PTPRS: variants seen among roughly 807,000 people sequenced by gnomAD.
PTPRS encodes the protein receptor-type tyrosine-protein phosphatase S.
In PTPRS, 63 loss-of-function variants were observed where a neutral mutation model predicts 215.3. The observed-to-expected ratio is 0.29, with a 90% CI of 0.24 to 0.36. The LOEUF is 0.36. Ranked by LOEUF, PTPRS falls within the 10% of genes least tolerant of loss-of-function variation. The probability of loss-of-function intolerance (pLI) is 1.00; values close to 1 mark genes in which losing one functional copy is unlikely to be tolerated. For missense variants in PTPRS, 2,258 were observed against 2,825.8 expected, an observed-to-expected ratio of 0.80 and a Z score of 4.56; for synonymous variants, 1,404 against 1,191.4, an observed-to-expected ratio of 1.18 and a Z score of -3.68.
At chr19:5,240,972 C>G (rs2043992510) in intron 11 of PTPRS, among the ~76,000 whole-genome samples, 1 of 146,924 alleles carries the variant, frequency 6.8e-6, no homozygotes, top group African/African-American at 2.5e-5. Flanking sequence ...TCACTGCAAC[C>G]TCCGCCTCCA....
chr19:5,265,297 T>C (rs1278680729), intron 4 of PTPRS, 101 bp from the exon 5 acceptor site: 2 of 1,142,996 alleles, frequency 1.7e-6, no homozygotes, highest in African/African-American at 3.1e-5. Context: ...GTCCAGCTCC[T>C]CCCTGGCTGC....
At chr19:5,225,980 C>T (rs1206135008) in intron 16 of PTPRS, 136 bp from the exon 17 acceptor site, 2 of 698,082 alleles carry the variant, frequency 2.9e-6, no homozygotes, top group African/African-American at 1.8e-5. Flanking sequence ...TGAGCTCATG[C>T]AGAGACCACG....
chr19:5,211,429 G>A (rs543649800), intron 33 of PTPRS, among the ~76,000 whole-genome samples, 161 bp downstream of exon 33: 41 of 152,212 alleles, frequency 2.7e-4, no homozygotes, highest in South Asian at 4.2e-4. Context: ...AAAGATTCAC[G>A]GACAGCAGCC....
intron 1 of PTPRS, among the ~76,000 whole-genome samples, chr19:5,319,031 T>C (rs890145846): frequency 3.9e-5 from 6 of 152,038 alleles, no homozygotes; most frequent in African/African-American, 7.2e-5. Flanking sequence ...AAACTTCTAA[T>C]GGAAGGATCG....
At chr19:5,281,613 A>G (rs548689212) in intron 2 of PTPRS, among the ~76,000 whole-genome samples, 1 of 152,274 alleles carries the variant, frequency 6.6e-6, no homozygotes, top group African/African-American at 2.4e-5. Flanking sequence ...CTCCACATTG[A>G]GGCTGGGGCT....
chr19:5,229,397 C>A, intron 15 of PTPRS, 55 bp from the exon 16 acceptor site: 1 of 1,357,852 alleles, frequency 7.4e-7, no homozygotes. Flanking sequence ...CGGGGGAGGC[C>A]AGAGATGGAG....
At chr19:5,331,113 C>T (rs564889477) in intron 1 of PTPRS, among the ~76,000 whole-genome samples, 3 of 118,748 alleles carry the variant, frequency 2.5e-5, no homozygotes, top group African/African-American at 1.2e-4. Context: ...CAGCATAAGT[C>T]AGGGCTTCTT....
intron 4 of PTPRS, among the ~76,000 whole-genome samples, chr19:5,268,868 CCACT>C (rs1217553724): frequency 6.6e-6 from 1 of 152,232 alleles, no homozygotes; most frequent in Non-Finnish European, 1.5e-5. Context: ...CAAAAGCCCT[CCACT>C]CAACCAGGTC....
At position 5,214,406 on chromosome 19, in the gene PTPRS, G is replaced by T; in HGVS notation, c.4569C>A (p.Thr1523=). ...YGFIQVTLLD[T]IELATFCVRT... is the part of the protein sequence containing the mutation. ...TGACGCAGAATGTGGCCAGCTCGAT[G>T]GTATCTAGCAACGTGACCTGGATGA... The change falls in exon 30 of 38, where the codon ACC becomes ACA. Residue 1523 remains threonine (T), a synonymous_variant. Coordinates refer to ENST00000262963, the MANE Select transcript of PTPRS (RefSeq NM_002850.4). The T allele has an allele frequency of 6.2e-7, 1 of 1,614,160 alleles. No homozygotes were observed. Among genetic ancestry groups the T allele is most frequent in the Non-Finnish European group, 8.5e-7 (1 of 1,180,022 alleles).
intron 4 of PTPRS, among the ~76,000 whole-genome samples, chr19:5,270,296 C>A (rs139759245): frequency 6.9e-6 from 1 of 144,928 alleles, no homozygotes; most frequent in Non-Finnish European, 1.5e-5. Context: ...CCCTCCCCCC[C>A]ACCCCCCTTT....
intron 1 of PTPRS, among the ~76,000 whole-genome samples, chr19:5,322,150 C>G (rs1467453418): frequency 6.6e-6 from 1 of 152,222 alleles, no homozygotes; most frequent in Non-Finnish European, 1.5e-5. Context: ...GCCCCACGGT[C>G]CCCGCCTGAG....
chr19:5,264,982 AC>A, intron 5 of PTPRS, 25 bp downstream of exon 5: 1 of 1,612,356 alleles, frequency 6.2e-7, no homozygotes, highest in Admixed American at 1.7e-5. Flanking sequence ...CAAGGCTCCC[AC>A]GTCCTGTCAG....
chr19:5,302,828 CG>C (rs2049344512), intron 1 of PTPRS, among the ~76,000 whole-genome samples: 1 of 148,484 alleles, frequency 6.7e-6, no homozygotes, highest in African/African-American at 2.5e-5. Flanking sequence ...GAGGTTGAGG[CG>C]GGCGGATCAC....
rs373148447 is a variant in PTPRS at position 5,325,601 on chromosome 19, G to A, written c.-95+15063C>T. ...CTCCAAGGTCAGAAGCAGTGGCCAC[G>A]ACCCAAGCACAGGCTCTGCCCAAGG... On this transcript the variant is annotated intron_variant, in intron 1 of 37. Transcript: ENST00000262963. Among the ~76,000 whole-genome samples, 3 of 152,136 alleles carry A rather than the reference G, an allele frequency of 2.0e-5. No homozygotes were observed. In the South Asian group the frequency reaches 6.2e-4, roughly 32 times the overall value.
rs1349394948 is a variant in PTPRS at position 5,339,535 on chromosome 19, G to C, written c.-95+1129C>G. On this transcript the variant is annotated intron_variant, in intron 1 of 37. Transcript: ENST00000262963. This position sits in a 1 kb window ranked among gnomAD's most constrained non-coding sequence, Gnocchi z 4.2. ...GAGTTCCCCAATTTGGGAAGGGGGG[G>C]AATTGGTGGGAAATGTCCAGGATTT... 2.6e-5 allele frequency among the ~76,000 whole-genome samples: 4 copies of C among 151,670 alleles called. No homozygotes were observed. The highest frequency in any genetic ancestry group is 9.7e-5 in the African/African-American group (4 of 41,302).
chr19:5,226,718 C>A (rs1225208669), intron 16 of PTPRS, among the ~76,000 whole-genome samples: 1 of 151,232 alleles, frequency 6.6e-6, no homozygotes, highest in East Asian at 1.9e-4. Context: ...CACTGTACTC[C>A]AGCCTGGGTG....
At chr19:5,305,209 G>A (rs1459277372) in intron 1 of PTPRS, among the ~76,000 whole-genome samples, 6 of 152,124 alleles carry the variant, frequency 3.9e-5, no homozygotes, top group Non-Finnish European at 7.3e-5. Context: ...ATTATTCCAG[G>A]CTTTTCCCAC....
intron 13 of PTPRS, among the ~76,000 whole-genome samples, chr19:5,238,320 CCCCGAGTGGGGA>C (rs1599603049): frequency 6.6e-6 from 1 of 152,254 alleles, no homozygotes; most frequent in East Asian, 1.9e-4. Context: ...GAGATTTGAG[CCCCGAGTGGGGA>C]CCTGCATGCC....
chr19:5,246,028 G>A lies in PTPRS; in HGVS notation c.736C>T (p.Arg246Cys). ...TGGCTCATGGGCAGGATGGAGAAGC[G>A]CGGGGCCACGCGGCGGACTGGGGAG... The part of the protein sequence containing the change: ...ELREVRRVAP[R>C]FSILPMSHEI... Residue 246 changes from arginine to cysteine, a missense_variant, in exon 10 of 38, where the codon CGC (arginine) becomes TGC (cysteine). Coordinates refer to ENST00000262963, the MANE Select transcript of PTPRS (RefSeq NM_002850.4). The A allele has an allele frequency of 2.0e-6, 3 of 1,517,206 alleles. No individual in the cohort carries two copies. The highest frequency in any genetic ancestry group is 1.2e-5 in the South Asian group (1 of 80,190). 94.0% of individuals were successfully genotyped at this position (1,517,206 alleles called of 1,614,324 possible).
Sources: allele counts gnomAD v4.1 joint callset (sites outside exome capture counted in the v4.1 genomes callset), GRCh38; gene constraint gnomAD v4.1.1; non-coding constraint Gnocchi (gnomAD v3.1); transcripts MANE v1.5; gene names NCBI Gene and HGNC (gene_info 2026-07-23, HGNC 2026-07-21).